The following GRM7 variants were observed in gnomAD, a reference collection of about 807,000 sequenced individuals.
GRM7 encodes the protein glutamate metabotropic receptor 7, also known as metabotropic glutamate receptor 7.
GRM7 carries 35 observed loss-of-function variants against 84.5 expected under a neutral mutation model. The ratio of observed to expected loss-of-function variants is 0.41; its 90% CI spans 0.32 to 0.55. The LOEUF (loss-of-function observed/expected upper bound fraction) is 0.55, where lower values mean the gene tolerates loss of function less well. Ranked by LOEUF, GRM7 falls within the 20% of genes least tolerant of loss-of-function variation. The pLI is 0.19. For missense variants in GRM7, 1,003 were observed against 1,194.6 expected, an observed-to-expected ratio of 0.84 and a Z score of 2.36; for synonymous variants, 487 against 455.1, an observed-to-expected ratio of 1.07 and a Z score of -0.89.
chr3:7,599,444 C>CGAGTGATGAGAAATCCTA (rs1251574688), intron 8 of GRM7, among the ~76,000 whole-genome samples: 1 of 152,046 alleles, frequency 6.6e-6, no homozygotes, highest in Non-Finnish European at 1.5e-5. Flanking sequence ...CCCTGTATCC[C>CGAGTGATGAGAAATCCTA]GAGTGATGAG....
At chr3:7,241,053 G>A (rs897856462) in intron 2 of GRM7, among the ~76,000 whole-genome samples, 3 of 152,002 alleles carry the variant, frequency 2.0e-5, no homozygotes, top group Admixed American at 6.6e-5. Context: ...ATCCCCTCAT[G>A]GTACAGCACT....
At chr3:7,266,741 A>G (rs1698655984) in intron 2 of GRM7, among the ~76,000 whole-genome samples, 1 of 152,234 alleles carries the variant, frequency 6.6e-6, no homozygotes, top group African/African-American at 2.4e-5. Flanking sequence ...TGGGCATTGT[A>G]TCAAATTTTG....
At chr3:7,697,098 A>C (rs144704767) in intron 9 of GRM7, among the ~76,000 whole-genome samples, 31 of 152,272 alleles carry the variant, frequency 2.0e-4, no homozygotes, top group Middle Eastern at 3.4e-3. Flanking sequence ...CTTTCTTTCT[A>C]TGAACTTGCA....
At chr3:7,033,989 G>T (rs1696285493) in intron 1 of GRM7, among the ~76,000 whole-genome samples, 2 of 152,156 alleles carry the variant, frequency 1.3e-5, no homozygotes, top group South Asian at 4.1e-4. Context: ...CTGCAGTTAT[G>T]CCTAAGCACC....
At chr3:7,440,942 C>T (rs961605839) in intron 5 of GRM7, among the ~76,000 whole-genome samples, 3 of 152,188 alleles carry the variant, frequency 2.0e-5, no homozygotes, top group Admixed American at 2.0e-4. Flanking sequence ...TTGTGAATAG[C>T]GCTGCCATGA....
intron 8 of GRM7, among the ~76,000 whole-genome samples, chr3:7,638,032 C>T (rs1380463967): frequency 6.6e-6 from 1 of 152,112 alleles, no homozygotes; most frequent in African/African-American, 2.4e-5. Context: ...TCTGGCATAT[C>T]CAAGAGAATT....
At chr3:7,541,362 T>G (rs1299418901) in intron 7 of GRM7, among the ~76,000 whole-genome samples, 1 of 152,156 alleles carries the variant, frequency 6.6e-6, no homozygotes, top group African/African-American at 2.4e-5. Flanking sequence ...TGGGGCCGTA[T>G]TTTATACCAC....
chr3:7,421,579 T>C lies in GRM7; in HGVS notation c.1174+6416T>C, dbSNP rs571394673. Reference sequence around the variant, plus strand: ...GACTTGAAAATTATTTGTGAGGCTTTGCTCTGATCCTTCGGCGTGCATGAT... The same window carrying C: ...GACTTGAAAATTATTTGTGAGGCTTCGCTCTGATCCTTCGGCGTGCATGAT... On this transcript the variant is annotated intron_variant, in intron 5 of 9. Transcript: ENST00000357716. Among the ~76,000 whole-genome samples, 261 of 152,248 alleles carry C rather than the reference T, an allele frequency of 1.7e-3. 2 individuals are homozygous for C. Among genetic ancestry groups the C allele is most frequent in the African/African-American group, 5.9e-3 (246 of 41,546 alleles).
intron 4 of GRM7, among the ~76,000 whole-genome samples, chr3:7,378,486 A>AG (rs1202160626): frequency 6.6e-6 from 1 of 152,192 alleles, no homozygotes; most frequent in Non-Finnish European, 1.5e-5. Flanking sequence ...GTATTACAAC[A>AG]GTCTTGGGAG....
intron 7 of GRM7, among the ~76,000 whole-genome samples, chr3:7,471,322 A>G (rs1698691993): frequency 6.6e-6 from 1 of 152,142 alleles, no homozygotes; most frequent in Admixed American, 6.5e-5. Flanking sequence ...TCAAGGCGGC[A>G]CCAGGGCTAT....
At chr3:7,065,912 A>C (rs1413375776) in intron 1 of GRM7, among the ~76,000 whole-genome samples, 2 of 151,866 alleles carry the variant, frequency 1.3e-5, no homozygotes, top group African/African-American at 4.8e-5. Context: ...GAAATTAAAT[A>C]ACCTGCTGAA....
At chr3:7,708,781 A>G (rs1042060692) in intron 9 of GRM7, among the ~76,000 whole-genome samples, 5 of 152,142 alleles carry the variant, frequency 3.3e-5, no homozygotes, top group Admixed American at 2.0e-4. Context: ...ATCCCAGGGA[A>G]GTACCTCCGA....
At chr3:7,477,870 C>A (rs1698985114) in intron 7 of GRM7, among the ~76,000 whole-genome samples, 1 of 152,118 alleles carries the variant, frequency 6.6e-6, no homozygotes, top group African/African-American at 2.4e-5. Flanking sequence ...AATTTCTGTT[C>A]TAAAGCATGG....
intron 3 of GRM7, among the ~76,000 whole-genome samples, chr3:7,299,348 C>T (rs933880442): frequency 6.6e-6 from 1 of 152,132 alleles, no homozygotes; most frequent in Non-Finnish European, 1.5e-5. Context: ...GTTGGCCAAG[C>T]CACATAGAAA....
At chr3:6,988,593 T>C (rs1694516104) in intron 1 of GRM7, among the ~76,000 whole-genome samples, 1 of 152,204 alleles carries the variant, frequency 6.6e-6, no homozygotes, top group Non-Finnish European at 1.5e-5. Context: ...CGAACTAAGC[T>C]TACTGGTTAT....
rs115699758 is a variant in GRM7 at position 7,174,114 on chromosome 3, A to C, written c.736+27446A>C. ...GAAGGGTGGCTAGTTTCTAAATAAG[A>C]CTAGGGGTGGGAGTATGGATGATGT... On this transcript the variant is annotated intron_variant, in intron 2 of 9. Coordinates refer to ENST00000357716, the MANE Select transcript of GRM7 (RefSeq NM_000844.4). Among the ~76,000 whole-genome samples the C allele has an allele frequency of 9.5e-3, 1,447 of 152,264 alleles. 18 individuals are homozygous for C. Among genetic ancestry groups the C allele is most frequent in the African/African-American group, 0.03 (1,267 of 41,546 alleles).
chr3:6,872,811 G>T (rs1306666162), intron 1 of GRM7, among the ~76,000 whole-genome samples: 1 of 152,184 alleles, frequency 6.6e-6, no homozygotes, highest in African/African-American at 2.4e-5. Context: ...TTTTATGGCT[G>T]CATAGTATTC....
At chr3:6,913,645 G>A (rs1277225747) in intron 1 of GRM7, among the ~76,000 whole-genome samples, 1 of 152,096 alleles carries the variant, frequency 6.6e-6, no homozygotes, top group African/African-American at 2.4e-5. Context: ...TAAACCTTTT[G>A]GTTTCATTCT....
At chr3:7,405,852 T>G (rs1333747087) in intron 4 of GRM7, among the ~76,000 whole-genome samples, 1 of 152,052 alleles carries the variant, frequency 6.6e-6, no homozygotes, top group Non-Finnish European at 1.5e-5. Context: ...CATCATCTAA[T>G]ATCAACAGTA....
Sources: allele counts gnomAD v4.1 joint callset (sites outside exome capture counted in the v4.1 genomes callset), GRCh38; gene constraint gnomAD v4.1.1; transcripts MANE v1.5; gene names NCBI Gene and HGNC (gene_info 2026-07-23, HGNC 2026-07-21).